ODAD2: variants seen among roughly 807,000 people sequenced by gnomAD.
ODAD2 encodes the protein outer dynein arm docking complex subunit 2, also known as outer dynein arm-docking complex subunit 2.
In ODAD2, 89 loss-of-function variants were observed where a neutral mutation model predicts 106.8. The observed-to-expected ratio is 0.83, with a 90% CI of 0.70 to 0.99. The LOEUF (loss-of-function observed/expected upper bound fraction) is 0.99, where lower values mean the gene tolerates loss of function less well. ODAD2 is among the 50% of genes least tolerant of loss of function. The probability of loss-of-function intolerance (pLI) is 0.00; values close to 1 mark genes in which losing one functional copy is unlikely to be tolerated. For missense variants in ODAD2, 1,168 were observed against 1,238.5 expected (o/e 0.94, Z 0.85); for synonymous variants, 404 against 436.2 (o/e 0.93, Z 0.92).
intron 14 of ODAD2, among the ~76,000 whole-genome samples, chr10:27,938,311 G>T (rs1417259153): frequency 6.6e-6 from 1 of 152,120 alleles, no homozygotes; most frequent in South Asian, 2.1e-4. Flanking sequence ...AAAATTACTT[G>T]AGTAGGCCCT....
At chr10:27,959,704 C>CA (rs2132824555) in intron 10 of ODAD2, among the ~76,000 whole-genome samples, 1 of 152,094 alleles carries the variant, frequency 6.6e-6, no homozygotes. Context: ...CATGAGTTCC[C>CA]AAAATTATAT....
At chr10:27,838,977 T>C (rs544102783) in intron 19 of ODAD2, among the ~76,000 whole-genome samples, 2 of 152,212 alleles carry the variant, frequency 1.3e-5, no homozygotes, top group East Asian at 1.9e-4. Flanking sequence ...CATCATCTTA[T>C]GCCAATCTAA....
intron 10 of ODAD2, among the ~76,000 whole-genome samples, chr10:27,950,166 A>G (rs1481459056): frequency 6.6e-6 from 1 of 152,152 alleles, no homozygotes; most frequent in East Asian, 1.9e-4. Flanking sequence ...TTTCCTTCAA[A>G]CATGCCACTC....
chr10:27,983,702 C>T (rs1564576638), intron 6 of ODAD2, 141 bp downstream of exon 6: 3 of 804,522 alleles, frequency 3.7e-6, no homozygotes, highest in Non-Finnish European at 5.6e-6. Context: ...ATTTGCCCAG[C>T]AAGCATATAT....
intron 2 of ODAD2, among the ~76,000 whole-genome samples, chr10:27,990,285 C>T (rs1348914607): frequency 6.6e-6 from 1 of 152,104 alleles, no homozygotes; most frequent in African/African-American, 2.4e-5. Flanking sequence ...GCAGATGGGA[C>T]TACAGCCGCA....
At chr10:27,904,052 G>C (rs1480977929) in intron 17 of ODAD2, among the ~76,000 whole-genome samples, 1 of 152,150 alleles carries the variant, frequency 6.6e-6, no homozygotes, top group Admixed American at 6.5e-5. Context: ...CTGAGGTTTG[G>C]AGTTTTAAAA....
At chr10:27,923,619 A>C (rs1009715679) in intron 16 of ODAD2, among the ~76,000 whole-genome samples, 1 of 152,076 alleles carries the variant, frequency 6.6e-6, no homozygotes, top group African/African-American at 2.4e-5. Context: ...AGATCTAGAG[A>C]ATACACATCA....
chr10:27,861,724 C>T (rs562575096), intron 18 of ODAD2, among the ~76,000 whole-genome samples: 19 of 152,080 alleles, frequency 1.2e-4, no homozygotes, highest in Non-Finnish European at 2.2e-4. Flanking sequence ...ACGTAATTGC[C>T]CTGTAATGGG....
chr10:27,845,733 C>T (rs1343201102), intron 19 of ODAD2, among the ~76,000 whole-genome samples: 1 of 152,002 alleles, frequency 6.6e-6, no homozygotes, highest in African/African-American at 2.4e-5. Flanking sequence ...GAAGACCTAC[C>T]AAGCAAATGG....
At chr10:27,870,717 A>G (rs944565640) in intron 17 of ODAD2, among the ~76,000 whole-genome samples, 1 of 152,090 alleles carries the variant, frequency 6.6e-6, no homozygotes, top group African/African-American at 2.4e-5. Context: ...GTATTACATG[A>G]TGTATATGTG....
At chr10:27,895,724 G>A (rs1023988002) in intron 17 of ODAD2, among the ~76,000 whole-genome samples, 4 of 152,196 alleles carry the variant, frequency 2.6e-5, no homozygotes, top group African/African-American at 9.7e-5. Flanking sequence ...CACGCAAAGT[G>A]CTATTAATAG....
intron 17 of ODAD2, 149 bp downstream of exon 17, chr10:27,907,514 G>A (rs1307228225): frequency 4.3e-5 from 22 of 511,420 alleles, no homozygotes; most frequent in East Asian, 3.9e-4. Context: ...GCAATGCTCC[G>A]AAATTATTTT....
chr10:27,824,905 T>C (rs1836916980), intron 19 of ODAD2, among the ~76,000 whole-genome samples: 1 of 152,158 alleles, frequency 6.6e-6, no homozygotes, highest in East Asian at 1.9e-4. Context: ...TACTGAGATT[T>C]CCCCAGAATT....
At chr10:27,931,158 G>A (rs189233752) in intron 16 of ODAD2, among the ~76,000 whole-genome samples, 2 of 152,238 alleles carry the variant, frequency 1.3e-5, no homozygotes, top group Non-Finnish European at 1.5e-5. Context: ...GGTTGACTAT[G>A]CTTCGAATGA....
At chr10:27,834,873 C>T (rs1837745212) in intron 19 of ODAD2, among the ~76,000 whole-genome samples, 1 of 152,130 alleles carries the variant, frequency 6.6e-6, no homozygotes, top group African/African-American at 2.4e-5. Context: ...AAAGAAATTG[C>T]CTGGAAGCTC....
chr10:27,910,535 C>T (rs574125996), intron 16 of ODAD2, among the ~76,000 whole-genome samples: 1 of 152,102 alleles, frequency 6.6e-6, no homozygotes, highest in South Asian at 2.1e-4. Context: ...GTGGGTGGAT[C>T]GCATGAGCTC....
intron 16 of ODAD2, among the ~76,000 whole-genome samples, chr10:27,930,944 T>A (rs1335797438): frequency 6.6e-6 from 1 of 152,172 alleles, no homozygotes; most frequent in Non-Finnish European, 1.5e-5. Flanking sequence ...CCCTTTTCAC[T>A]CCGAAATGTC....
At chr10:27,911,497 C>G (rs1055492089) in intron 16 of ODAD2, among the ~76,000 whole-genome samples, 2 of 152,126 alleles carry the variant, frequency 1.3e-5, no homozygotes, top group African/African-American at 4.8e-5. Flanking sequence ...GGGTGATAAA[C>G]AGACCATTAT....
chr10:27,899,713 C>T (rs533315774), intron 17 of ODAD2, among the ~76,000 whole-genome samples: 10 of 152,206 alleles, frequency 6.6e-5, no homozygotes, highest in African/African-American at 2.2e-4. Flanking sequence ...TCGAACTGGG[C>T]GGAGCCCACC....
Sources: gnomAD v4.1 joint callset for allele counts (sites outside exome capture counted in the v4.1 genomes callset) on GRCh38, gnomAD v4.1.1 for gene constraint, MANE v1.5 for transcripts, NCBI Gene and HGNC (gene_info 2026-07-23, HGNC 2026-07-21) for gene names.